The following STX18 variants were observed in gnomAD, a reference collection of about 807,000 sequenced individuals.
STX18 encodes syntaxin-18.
Under a neutral mutation model 50.1 loss-of-function variants are expected in STX18, and 40 were observed. The ratio of observed to expected loss-of-function variants is 0.80; its 90% CI spans 0.62 to 1.04. The LOEUF (loss-of-function observed/expected upper bound fraction) is 1.04. STX18 is among the 50% of genes least tolerant of loss of function. The pLI is 0.00. For synonymous variants in STX18, 158 were observed against 151.8 expected (o/e 1.04, Z -0.30); for missense variants, 410 against 415.8 (o/e 0.99, Z 0.12).
chr4:4,529,054 A>G (rs1471428424), intron 1 of STX18, among the ~76,000 whole-genome samples: 1 of 152,190 alleles, frequency 6.6e-6, no homozygotes. Flanking sequence ...AGCAAACCAC[A>G]ACACTTATCT....
chr4:4,421,551 G>C (rs1439767776), intron 9 of STX18, among the ~76,000 whole-genome samples: 1 of 152,156 alleles, frequency 6.6e-6, no homozygotes, highest in Non-Finnish European at 1.5e-5. Flanking sequence ...CACCGCGCAG[G>C]GCTGAGACCC....
At chr4:4,431,111 TCAGA>T (rs1201988884) in intron 7 of STX18, among the ~76,000 whole-genome samples, 7 of 152,128 alleles carry the variant, frequency 4.6e-5, no homozygotes, top group South Asian at 4.1e-4. Context: ...GCAAAAATCC[TCAGA>T]CAAACAACCC....
intron 5 of STX18, among the ~76,000 whole-genome samples, chr4:4,444,851 G>A (rs759070921): frequency 6.6e-6 from 1 of 152,174 alleles, no homozygotes; most frequent in African/African-American, 2.4e-5. Context: ...ACATGGGTGC[G>A]CTGGGTGCAG....
chr4:4,520,432 T>C (rs1730458626), intron 1 of STX18, among the ~76,000 whole-genome samples: 1 of 152,226 alleles, frequency 6.6e-6, no homozygotes, highest in African/African-American at 2.4e-5. Flanking sequence ...AGACATGAAA[T>C]GTGAACTCAT....
chr4:4,473,953 C>T (rs1728051811), intron 1 of STX18, among the ~76,000 whole-genome samples: 1 of 152,098 alleles, frequency 6.6e-6, no homozygotes, highest in Non-Finnish European at 1.5e-5. Flanking sequence ...GTCCAAACTC[C>T]CAAATGCAGC....
At position 4,471,705 on chromosome 4, in the gene STX18, A is replaced by G; in HGVS notation, c.170T>C (p.Ile57Thr). 1 of 1,581,030 alleles carries G rather than the reference A, an allele frequency of 6.3e-7. No individual in the cohort carries two copies. Among genetic ancestry groups the G allele is most frequent in the South Asian group, 1.2e-5 (1 of 84,650 alleles). The part of the protein sequence containing the change: ...GDFSSRAREV[I>T]SHIGKLRDFL... ...ATCTCTCAGTTTGCCAATGTGAGAAATCTAAAATTAAAAAAGAAAGCCAAC... is the reference window on the plus strand; with the variant it reads ...ATCTCTCAGTTTGCCAATGTGAGAAGTCTAAAATTAAAAAAGAAAGCCAAC... The change falls in exon 2 of 11, where the codon ATT becomes ACT. Residue 57 changes from isoleucine to threonine, a missense_variant and splice_region_variant. Ile to Thr is a moderately conservative substitution (Grantham distance 89). Transcript: ENST00000306200.
chr4:4,420,734 C>A lies in STX18; in HGVS notation c.912+130G>T, dbSNP rs898104679. The A allele has an allele frequency of 9.7e-6, 8 of 820,682 alleles. No homozygotes were observed. The highest frequency in any genetic ancestry group is 1.7e-5 in the African/African-American group (1 of 58,726). 50.8% of individuals were successfully genotyped at this position (820,682 alleles called of 1,614,324 possible). A position where few individuals can be genotyped will look rare whatever the true frequency, so the allele number is the denominator to read the frequency against. On this transcript the variant is annotated intron_variant, in intron 10 of 10. Coordinates refer to ENST00000306200, the MANE Select transcript of STX18 (RefSeq NM_016930.4). This position sits in a 1 kb window ranked among gnomAD's most constrained non-coding sequence, Gnocchi z 4.3. The stretch of plus-strand genomic sequence containing the variant: ...GAACACACGCAGCTCCGCGGTCACA[C>A]AATTTTGTGATCAGCCCCGTGAGCT...
At chr4:4,490,685 A>C (rs1342776361) in intron 1 of STX18, among the ~76,000 whole-genome samples, 3 of 152,174 alleles carry the variant, frequency 2.0e-5, no homozygotes, top group African/African-American at 7.2e-5. Flanking sequence ...TCACTAAGGA[A>C]GCTCTTAAAA....
intron 1 of STX18, among the ~76,000 whole-genome samples, chr4:4,493,614 A>G (rs945424864): frequency 6.6e-6 from 1 of 152,242 alleles, no homozygotes; most frequent in Non-Finnish European, 1.5e-5. Context: ...CCTCCAAGTA[A>G]ACAGTACCTA....
At chr4:4,442,537 C>T (rs146378141) in intron 5 of STX18, among the ~76,000 whole-genome samples, 2 of 152,144 alleles carry the variant, frequency 1.3e-5, no homozygotes, top group African/African-American at 4.8e-5. Flanking sequence ...GAATTGCTTA[C>T]GCCTGGGAGG....
chr4:4,494,695 G>C (rs902709102), intron 1 of STX18, among the ~76,000 whole-genome samples: 7 of 152,102 alleles, frequency 4.6e-5, no homozygotes, highest in Non-Finnish European at 1.0e-4. Context: ...TCAAGCTCCA[G>C]GTTACCTGTA....
chr4:4,430,460 T>C (rs1207918783), intron 7 of STX18, among the ~76,000 whole-genome samples: 1 of 152,242 alleles, frequency 6.6e-6, no homozygotes, highest in Non-Finnish European at 1.5e-5. Flanking sequence ...GTCATAAAAG[T>C]ACTGAACATT....
intron 2 of STX18, among the ~76,000 whole-genome samples, chr4:4,465,591 C>T (rs944920573): frequency 6.6e-6 from 1 of 152,066 alleles, no homozygotes; most frequent in African/African-American, 2.4e-5. Flanking sequence ...GGGAACAATA[C>T]AAACTGGGGC....
chr4:4,429,339 A>G (rs1292229583), intron 7 of STX18, among the ~76,000 whole-genome samples: 2 of 152,254 alleles, frequency 1.3e-5, no homozygotes, highest in African/African-American at 2.4e-5. Context: ...AATCTGGTTT[A>G]AAGGATACAA....
chr4:4,501,916 A>G (rs1342846559), intron 1 of STX18, among the ~76,000 whole-genome samples: 1 of 152,258 alleles, frequency 6.6e-6, no homozygotes, highest in Non-Finnish European at 1.5e-5. Context: ...ACCAGATGCT[A>G]TATTAAAGAT....
chr4:4,471,831 C>T (rs773001252), intron 1 of STX18, 125 bp from the exon 2 acceptor site: 15 of 657,364 alleles, frequency 2.3e-5, no homozygotes, highest in Non-Finnish European at 3.5e-5. Flanking sequence ...TGAGCACCGT[C>T]GGTTTTGGAC....
At chr4:4,502,224 T>C (rs1369720131) in intron 1 of STX18, among the ~76,000 whole-genome samples, 1 of 152,036 alleles carries the variant, frequency 6.6e-6, no homozygotes, top group African/African-American at 2.4e-5. Flanking sequence ...TTGGTGAAAA[T>C]TACATTAGTA....
intron 5 of STX18, among the ~76,000 whole-genome samples, chr4:4,447,010 G>GAA (rs1187710586): frequency 6.6e-6 from 1 of 152,174 alleles, no homozygotes. Flanking sequence ...TTAAGCAAAG[G>GAA]AAAAGCCAGT....
intron 1 of STX18, among the ~76,000 whole-genome samples, chr4:4,537,934 A>C (rs915512298): frequency 7.9e-5 from 12 of 152,208 alleles, no homozygotes; most frequent in Admixed American, 4.6e-4. Flanking sequence ...TTACAGGAGA[A>C]TGTAGTGGGC....
Sources: gnomAD v4.1 joint callset for allele counts (sites outside exome capture counted in the v4.1 genomes callset) on GRCh38, gnomAD v4.1.1 for gene constraint, Gnocchi (gnomAD v3.1) non-coding constraint, MANE v1.5 for transcripts, NCBI Gene and HGNC (gene_info 2026-07-23, HGNC 2026-07-21) for gene names.